HSDL2: variants seen among roughly 807,000 people sequenced by gnomAD.
HSDL2 encodes hydroxysteroid dehydrogenase like 2.
In HSDL2, 27 loss-of-function variants were observed where a neutral mutation model predicts 46.3. That is an observed-to-expected ratio of 0.58 (90% confidence interval 0.43 to 0.80). The LOEUF (loss-of-function observed/expected upper bound fraction) is 0.80. HSDL2 is among the 30% of genes least tolerant of loss of function. The probability of loss-of-function intolerance (pLI) is 0.00; values close to 1 mark genes in which losing one functional copy is unlikely to be tolerated. For synonymous variants in HSDL2, 153 were observed against 163.6 expected (o/e 0.94, Z 0.50); for missense variants, 451 against 502.7 (o/e 0.90, Z 0.98).
chr9:112,408,860 T>G (rs766230231), intron 3 of HSDL2, 47 bp from the exon 4 acceptor site: 3 of 1,010,104 alleles, frequency 3.0e-6, no homozygotes, highest in Non-Finnish European at 4.6e-6. Context: ...TTTTTGTGTG[T>G]GATAAAAAGT....
chr9:112,442,827 A>G (rs765664706), intron 8 of HSDL2, among the ~76,000 whole-genome samples: 2 of 152,108 alleles, frequency 1.3e-5, no homozygotes, highest in Non-Finnish European at 2.9e-5. Flanking sequence ...CCTTACTGCA[A>G]TGCATTTTAG....
At chr9:112,424,931 T>G (rs574834802) in intron 6 of HSDL2, among the ~76,000 whole-genome samples, 52 of 152,028 alleles carry the variant, frequency 3.4e-4, no homozygotes, top group Non-Finnish European at 5.9e-4. Context: ...TTTCTGCAGA[T>G]TCTCCTAGTT....
intron 1 of HSDL2, among the ~76,000 whole-genome samples, chr9:112,395,419 AT>A (rs1831434035): frequency 6.6e-6 from 1 of 152,138 alleles, no homozygotes; most frequent in African/African-American, 2.4e-5. Flanking sequence ...CCACGTTATA[AT>A]TGTTCCAGGT....
At chr9:112,399,610 A>C (rs1406625087) in intron 1 of HSDL2, among the ~76,000 whole-genome samples, 1 of 152,106 alleles carries the variant, frequency 6.6e-6, no homozygotes, top group East Asian at 1.9e-4. Flanking sequence ...ACGTTCCCAG[A>C]GTGGCCGTTT....
chr9:112,457,557 A>C (rs1262859291), intron 9 of HSDL2, among the ~76,000 whole-genome samples: 1 of 152,154 alleles, frequency 6.6e-6, no homozygotes, highest in East Asian at 1.9e-4. Flanking sequence ...AGATGGGAAG[A>C]CAGCTTAAGC....
chr9:112,429,317 T>C (rs996720394), intron 6 of HSDL2, among the ~76,000 whole-genome samples: 2 of 152,244 alleles, frequency 1.3e-5, no homozygotes, highest in African/African-American at 4.8e-5. Flanking sequence ...ATCTACTCGG[T>C]GCAAGGCAAC....
At chr9:112,444,192 A>G (rs1587958483) in intron 8 of HSDL2, among the ~76,000 whole-genome samples, 1 of 152,234 alleles carries the variant, frequency 6.6e-6, no homozygotes, top group Non-Finnish European at 1.5e-5. Flanking sequence ...AGCCTGGGCT[A>G]TAACTTACCT....
intron 4 of HSDL2, among the ~76,000 whole-genome samples, chr9:112,411,216 C>T (rs183598371): frequency 6.6e-6 from 1 of 152,316 alleles, no homozygotes; most frequent in East Asian, 1.9e-4. Context: ...ATAACCACAT[C>T]TCTCTCTGAA....
intron 3 of HSDL2, among the ~76,000 whole-genome samples, chr9:112,407,854 C>G (rs1831765615): frequency 3.9e-5 from 6 of 152,152 alleles, no homozygotes; most frequent in Admixed American, 3.9e-4. Flanking sequence ...GTACACTTCA[C>G]AAAGAATAAT....
chr9:112,401,441 CAAAAAAAA>C (rs398011899), intron 1 of HSDL2, among the ~76,000 whole-genome samples: 1 of 61,496 alleles, frequency 1.6e-5, no homozygotes, highest in Non-Finnish European at 2.9e-5. Context: ...GAACCGCTCT[CAAAAAAAA>C]AAAAAAAAAA....
chr9:112,408,855 G>T, intron 3 of HSDL2, 52 bp from the exon 4 acceptor site: 8 of 949,082 alleles, frequency 8.4e-6, no homozygotes, highest in Admixed American at 6.2e-5. Flanking sequence ...CGCTTTTTTT[G>T]TGTGTGATAA....
intron 1 of HSDL2, among the ~76,000 whole-genome samples, chr9:112,393,834 T>C (rs548719844): frequency 6.6e-6 from 1 of 152,334 alleles, no homozygotes; most frequent in South Asian, 2.1e-4. Flanking sequence ...TATTGGACAG[T>C]TTGATTGTTC....
chr9:112,437,095 G>A (rs553007992), intron 6 of HSDL2, among the ~76,000 whole-genome samples: 1 of 151,388 alleles, frequency 6.6e-6, no homozygotes, highest in Non-Finnish European at 1.5e-5. Flanking sequence ...AAGTAGCTGG[G>A]ACTACAGGCG....
Position 112,454,060 on chromosome 9 carries a change from C to G in HSDL2, c.913C>G (p.Pro305Ala), listed in dbSNP as rs1171431708. The G allele has an allele frequency of 1.9e-6, 3 of 1,614,042 alleles. No homozygotes were observed. Among genetic ancestry groups the G allele is most frequent in the Non-Finnish European group, 2.5e-6 (3 of 1,179,936 alleles). Residue 305 changes from proline (P) to alanine (A), a missense_variant, in exon 9 of 11, where the codon CCA (proline) becomes GCA (alanine). Coordinates refer to ENST00000398805, the MANE Select transcript of HSDL2 (RefSeq NM_032303.5). ...AGAGAAACTGCAGCTGCAACCAAAA[C>G]CACGTTCTGGAGCTGTGGAAGAAAC... ...KEEKLQLQPK[P>A]RSGAVEETFR...
chr9:112,457,535 C>T (rs1833067272), intron 9 of HSDL2, among the ~76,000 whole-genome samples: 1 of 152,140 alleles, frequency 6.6e-6, no homozygotes. Context: ...ATCCCAGCTA[C>T]TTGGGAGGCT....
At chr9:112,466,675 CAT>C (rs773080874) in intron 10 of HSDL2, among the ~76,000 whole-genome samples, 4 of 151,912 alleles carry the variant, frequency 2.6e-5, no homozygotes, top group Non-Finnish European at 4.4e-5. Context: ...TTTTGAAGCA[CAT>C]ATGTTTTTAG....
intron 9 of HSDL2, among the ~76,000 whole-genome samples, chr9:112,459,226 T>C (rs369665138): frequency 3.3e-5 from 5 of 152,176 alleles, no homozygotes; most frequent in African/African-American, 9.7e-5. Flanking sequence ...CTACTTCCTC[T>C]TTTGTGAGTA....
At chr9:112,448,741 G>T (rs926985627) in intron 8 of HSDL2, among the ~76,000 whole-genome samples, 2 of 151,476 alleles carry the variant, frequency 1.3e-5, no homozygotes, top group Middle Eastern at 3.4e-3. Context: ...ATTTTTAGTA[G>T]AGACAGGGTT....
intron 1 of HSDL2, among the ~76,000 whole-genome samples, chr9:112,392,554 A>G (rs967407794): frequency 6.6e-6 from 1 of 152,078 alleles, no homozygotes; most frequent in African/African-American, 2.4e-5. Flanking sequence ...ATTAATATTA[A>G]TATTCCTTGC....
Sources: allele counts gnomAD v4.1 joint callset (sites outside exome capture counted in the v4.1 genomes callset), GRCh38; gene constraint gnomAD v4.1.1; transcripts MANE v1.5; gene names NCBI Gene and HGNC (gene_info 2026-07-23, HGNC 2026-07-21).